NRXN1: variants seen among roughly 807,000 people sequenced by gnomAD.
NRXN1 encodes the protein neurexin-1.
NRXN1 carries 39 observed loss-of-function variants against 150.9 expected under a neutral mutation model. The observed-to-expected ratio is 0.26, with a 90% CI of 0.20 to 0.34. NRXN1 has a LOEUF of 0.34. Among genes scored for constraint, NRXN1 ranks in the 10% least tolerant of loss-of-function variants. NRXN1 has a pLI of 1.00. For synonymous variants in NRXN1, 924 were observed against 757.0 expected, an observed-to-expected ratio of 1.22 and a Z score of -3.62; for missense variants, 1,815 against 1,949.9, an observed-to-expected ratio of 0.93 and a Z score of 1.30.
intron 21 of NRXN1, among the ~76,000 whole-genome samples, chr2:50,021,797 C>A (rs1264991573): frequency 6.6e-6 from 1 of 152,078 alleles, no homozygotes; most frequent in African/African-American, 2.4e-5. Context: ...TTCTTTATGA[C>A]CCTATACAGA....
chr2:50,363,392 C>T (rs1047243379), intron 17 of NRXN1, among the ~76,000 whole-genome samples: 2 of 151,968 alleles, frequency 1.3e-5, no homozygotes, highest in Non-Finnish European at 2.9e-5. Flanking sequence ...AACAAATTTA[C>T]AAGAAAAAAA....
intron 17 of NRXN1, among the ~76,000 whole-genome samples, chr2:50,269,261 G>A (rs1489560754): frequency 1.3e-5 from 2 of 152,098 alleles, no homozygotes; most frequent in African/African-American, 4.8e-5. Flanking sequence ...AAGGCAACTT[G>A]GTGTTATTTC....
intron 21 of NRXN1, among the ~76,000 whole-genome samples, chr2:50,001,921 G>C (rs546147726): frequency 6.6e-5 from 10 of 152,162 alleles, no homozygotes; most frequent in African/African-American, 2.4e-4. Flanking sequence ...AGGAGTGCCA[G>C]ACTCTCCTGC....
chr2:51,005,826 G>A (rs1700642688), intron 2 of NRXN1, among the ~76,000 whole-genome samples: 1 of 151,814 alleles, frequency 6.6e-6, no homozygotes, highest in South Asian at 2.1e-4. Flanking sequence ...ATTCCCCCTT[G>A]AAAAGATACA....
intron 5 of NRXN1, among the ~76,000 whole-genome samples, chr2:50,628,563 C>T (rs1681624339): frequency 6.6e-6 from 1 of 151,656 alleles, no homozygotes; most frequent in African/African-American, 2.4e-5. Context: ...TCATTTGCTA[C>T]CTTACAATCT....
chr2:50,470,322 T>C (rs925332697), intron 16 of NRXN1, among the ~76,000 whole-genome samples: 3 of 151,574 alleles, frequency 2.0e-5, no homozygotes, highest in African/African-American at 7.3e-5. Context: ...TAAAATTAAC[T>C]GAAAGGGAAA....
chr2:50,443,661 G>C (rs897746367), intron 17 of NRXN1, among the ~76,000 whole-genome samples: 3 of 152,062 alleles, frequency 2.0e-5, no homozygotes, highest in East Asian at 1.9e-4. Flanking sequence ...GAGAGGCTTG[G>C]GGATCCTTTA....
chr2:50,484,113 G>A (rs112995786), intron 15 of NRXN1, among the ~76,000 whole-genome samples: 1 of 152,138 alleles, frequency 6.6e-6, no homozygotes. Flanking sequence ...AAAGGTTATA[G>A]CCACCAGTGG....
rs557145322 is a variant in NRXN1 at position 50,836,548 on chromosome 2, C to G, written c.832+85321G>C. Among the ~76,000 whole-genome samples, 13 of 152,176 alleles carry G rather than the reference C, an allele frequency of 8.5e-5. No individual in the cohort carries two copies. The South Asian group carries it at 2.7e-3, about 32-fold the overall frequency. ...ATGACTTCACCTTTTTTAGATTCCA[C>G]CCGTAAGTGAGATCATGCAGTATTT... On this transcript the variant is annotated intron_variant, in intron 5 of 22. Transcript: ENST00000401669.
chr2:50,172,812 C>T (rs1187890665), intron 18 of NRXN1, among the ~76,000 whole-genome samples: 1 of 151,956 alleles, frequency 6.6e-6, no homozygotes, highest in African/African-American at 2.4e-5. Context: ...ACTAAAAATA[C>T]AAAAATTAGC....
intron 17 of NRXN1, among the ~76,000 whole-genome samples, chr2:50,285,983 T>C (rs1433048320): frequency 6.6e-6 from 1 of 152,010 alleles, no homozygotes; most frequent in South Asian, 2.1e-4. Context: ...AAAAGATATA[T>C]CTCTCAGGTA....
chr2:50,392,789 A>G (rs1238178591), intron 17 of NRXN1, among the ~76,000 whole-genome samples: 32 of 152,190 alleles, frequency 2.1e-4, no homozygotes, highest in Non-Finnish European at 5.9e-5. Flanking sequence ...CTATATCAGG[A>G]CTGCTAACTA....
rs188069400 is a variant in NRXN1 at position 50,499,449 on chromosome 2, A to G, written c.2498-1735T>C. Among the ~76,000 whole-genome samples the G allele has an allele frequency of 2.7e-3, 413 of 152,206 alleles. 3 individuals are homozygous for G. Among genetic ancestry groups the G allele is most frequent in the Non-Finnish European group, 3.9e-3 (266 of 68,010 alleles). On this transcript the variant is annotated intron_variant, in intron 13 of 22. Transcript: ENST00000401669. ...GTCTATCTGATGCAAAAGTACTATT[A>G]CATCCTTGTCAATTCTGGTTTCTCC...
At chr2:50,376,778 G>C (rs769842752) in intron 17 of NRXN1, among the ~76,000 whole-genome samples, 3 of 152,010 alleles carry the variant, frequency 2.0e-5, no homozygotes, top group Non-Finnish European at 4.4e-5. Context: ...AAGAATCACA[G>C]ATTTAGAGTT....
intron 21 of NRXN1, among the ~76,000 whole-genome samples, chr2:49,979,290 C>T (rs957139268): frequency 2.0e-5 from 3 of 151,832 alleles, no homozygotes; most frequent in Non-Finnish European, 2.9e-5. Context: ...GAACAAGACT[C>T]AAAAAAACAA....
intron 5 of NRXN1, among the ~76,000 whole-genome samples, chr2:50,920,226 A>T (rs1367334458): frequency 6.6e-6 from 1 of 151,792 alleles, no homozygotes; most frequent in Non-Finnish European, 1.5e-5. Flanking sequence ...ATTGAGGAAC[A>T]AAATCTGATG....
chr2:50,951,963 A>ATTTTTTTT (rs1295565122), intron 2 of NRXN1, among the ~76,000 whole-genome samples: 6 of 74,818 alleles, frequency 8.0e-5, no homozygotes, highest in African/African-American at 2.2e-4. Flanking sequence ...ATATATATAT[A>ATTTTTTTT]TTTTTTTTTT....
chr2:50,768,388 A>T (rs867365199), intron 5 of NRXN1, among the ~76,000 whole-genome samples: 20 of 151,982 alleles, frequency 1.3e-4, no homozygotes, highest in Admixed American at 2.6e-4. Flanking sequence ...GACTCACTGG[A>T]GCCTCCATCA....
At chr2:49,998,416 G>A (rs551499746) in intron 21 of NRXN1, among the ~76,000 whole-genome samples, 2 of 152,070 alleles carry the variant, frequency 1.3e-5, no homozygotes, top group Non-Finnish European at 2.9e-5. Flanking sequence ...CTTCAAGATA[G>A]GGAGGATATA....
Sources: gnomAD v4.1 joint callset for allele counts (sites outside exome capture counted in the v4.1 genomes callset) on GRCh38, gnomAD v4.1.1 for gene constraint, MANE v1.5 for transcripts, NCBI Gene and HGNC (gene_info 2026-07-23, HGNC 2026-07-21) for gene names.